The following DHRS7 variants were observed in gnomAD, a reference collection of about 807,000 sequenced individuals.
DHRS7 encodes the protein dehydrogenase/reductase 7, also known as dehydrogenase/reductase SDR family member 7.
Under a neutral mutation model 38.9 loss-of-function variants are expected in DHRS7, and 34 were observed. That is an observed-to-expected ratio of 0.87 (90% confidence interval 0.66 to 1.16). The LOEUF is 1.16. DHRS7 is among the 50% of genes most tolerant of loss of function. The pLI is 0.00. For synonymous variants in DHRS7, 158 were observed against 153.1 expected (o/e 1.03, Z -0.24); for missense variants, 421 against 407.0 (o/e 1.03, Z -0.30).
At chr14:60,149,605 C>T (rs902436805) in intron 5 of DHRS7, 37 bp from the exon 6 acceptor site, 11 of 1,509,608 alleles carry the variant, frequency 7.3e-6, no homozygotes, top group Middle Eastern at 1.8e-4. Context: ...TTTATCCAAG[C>T]GATTTCACAT....
rs1896771508 is a variant in DHRS7, at chr14:60,161,932, G to C, written c.133+3245C>G. Among the ~76,000 whole-genome samples, 1 of 152,188 alleles carries C rather than the reference G, an allele frequency of 6.6e-6. No homozygotes were observed. Among genetic ancestry groups the C allele is most frequent in the Non-Finnish European group, 1.5e-5 (1 of 68,020 alleles). On this transcript the variant is annotated intron_variant, in intron 1 of 6. Transcript: ENST00000557185. This position sits in a 1 kb window ranked among gnomAD's most constrained non-coding sequence, Gnocchi z 4.2. ...CAAGGTTGCCTGATCTTTTCTGGCA[G>C]CCACTTCACAGTTGACTCCTATTGA...
intron 1 of DHRS7, among the ~76,000 whole-genome samples, chr14:60,163,739 CTT>C (rs2140616244): frequency 6.6e-6 from 1 of 152,216 alleles, no homozygotes; most frequent in South Asian, 2.1e-4. Flanking sequence ...CTTTTTAGCA[CTT>C]GACATAATTT....
At position 60,162,800 on chromosome 14, in the gene DHRS7, T is replaced by C. The variant is rs1896789481; in HGVS notation, c.133+2377A>G. 6.6e-6 allele frequency among the ~76,000 whole-genome samples: 1 copy of C among 152,208 alleles called. No individual in the cohort carries two copies. Among genetic ancestry groups the C allele is most frequent in the Admixed American group, 6.5e-5 (1 of 15,282 alleles). On this transcript the variant is annotated intron_variant, in intron 1 of 6. Transcript: ENST00000557185. This position sits in a 1 kb window ranked among gnomAD's most constrained non-coding sequence, Gnocchi z 4.5. ...TCCCCTAAAACTCTCCTGTGAAATGTTAATTCCACAGATATACTGTATATC... is the reference window on the plus strand; with the variant it reads ...TCCCCTAAAACTCTCCTGTGAAATGCTAATTCCACAGATATACTGTATATC...
At chr14:60,164,239 C>G (rs901959491) in intron 1 of DHRS7, among the ~76,000 whole-genome samples, 1 of 119,150 alleles carries the variant, frequency 8.4e-6, no homozygotes, top group African/African-American at 3.3e-5. Flanking sequence ...TCAATATCAC[C>G]CCCCTCAACG....
rs1896791452 is a variant in DHRS7 at position 60,162,913 on chromosome 14, T to C, written c.133+2264A>G. The stretch of plus-strand genomic sequence containing the variant: ...TGCCAGGCGCAGTGGCTAATGCCTG[T>C]AATCCCAACACTTTGGGAGGCAGAG... On this transcript the variant is annotated intron_variant, in intron 1 of 6. Transcript: ENST00000557185. The surrounding 1 kb of genome is among the most constrained non-coding windows in gnomAD (Gnocchi z 4.5). Among the ~76,000 whole-genome samples the C allele has an allele frequency of 6.6e-6, 1 of 152,198 alleles. No individual in the cohort carries two copies. Among genetic ancestry groups the C allele is most frequent in the African/African-American group, 2.4e-5 (1 of 41,434 alleles).
rs1194655205 is a variant in DHRS7 at position 60,149,459 on chromosome 14, T to G, written c.866A>C (p.Gln289Pro). Residue 289 changes from glutamine (Q) to proline (P), a missense_variant, in exon 6 of 7, where the codon CAA becomes CCA. Gln to Pro is a moderately conservative substitution (Grantham distance 76). Transcript: ENST00000557185. ...NDLKEVWISE[Q>P]PFLLVTYLWQ... ...CAAATATGTTACTAACAAGAAAGGT[T>G]GTTCTGAGATCCAAACTTCTTTCAA... The G allele has an allele frequency of 1.9e-6, 3 of 1,614,048 alleles. No individual in the cohort carries two copies. The highest frequency in any genetic ancestry group is 1.1e-5 in the South Asian group (1 of 91,088).
chr14:60,153,164 G>T lies in DHRS7; in HGVS notation c.408C>A (p.Val136=). 2 of 1,614,046 alleles carry T rather than the reference G, an allele frequency of 1.2e-6. No individual in the cohort carries two copies. Among genetic ancestry groups the T allele is most frequent in the South Asian group, 2.2e-5 (2 of 91,042 alleles). The change falls in exon 4 of 7, where the codon GTC becomes GTA. Residue 136 remains valine, a synonymous_variant. Transcript: ENST00000557185. The surrounding 1 kb of genome is among the most constrained non-coding windows in gnomAD (Gnocchi z 4.4). ...AACGCTGGGACATTCCACCATTGTT[G>T]ACCAGAATGTCGATCTAGTTAAATA... ...LQEFGRIDIL[V]NNGGMSQRSL...
rs1004496199 is a variant in DHRS7, at chr14:60,161,245, T to C, written c.133+3932A>G. On this transcript the variant is annotated intron_variant, in intron 1 of 6. Transcript: ENST00000557185. This position sits in a 1 kb window ranked among gnomAD's most constrained non-coding sequence, Gnocchi z 4.2. ...AAAAGGGATCCACTAATATAGCTTA[T>C]GGTTATTAGAGCTGGGCTACCTTTA... Among the ~76,000 whole-genome samples the C allele has an allele frequency of 6.6e-6, 1 of 152,344 alleles. No homozygotes were observed. Among genetic ancestry groups the C allele is most frequent in the Admixed American group, 6.5e-5 (1 of 15,300 alleles).
chr14:60,146,036 A>T lies in DHRS7; in HGVS notation c.973-1023T>A, dbSNP rs1156889473. On this transcript the variant is annotated intron_variant, in intron 6 of 6. Coordinates refer to ENST00000557185, the MANE Select transcript of DHRS7 (RefSeq NM_016029.4). This position sits in a 1 kb window ranked among gnomAD's most constrained non-coding sequence, Gnocchi z 4.9. ...AAATTTATATATATACATATATATA[A>T]AATATAAAATAGTGGGAGAGAGGAA... 1 of 149,934 alleles carries T rather than the reference A, an allele frequency of 6.7e-6. No homozygotes were observed. Among genetic ancestry groups the T allele is most frequent in the Non-Finnish European group, 1.5e-5 (1 of 67,558 alleles). The allele number at this position is 149,934 out of a possible 1,614,324, so 9.3% of individuals were successfully genotyped here. A position where few individuals can be genotyped will look rare whatever the true frequency, so the allele number is the denominator to read the frequency against.
upstream of DHRS7, chr14:60,166,143 G>T: frequency 1.2e-6 from 1 of 843,456 alleles, no homozygotes; most frequent in Non-Finnish European, 1.4e-6. Context: ...TACTGTTTTT[G>T]ATTAATTTCC....
upstream of DHRS7, among the ~76,000 whole-genome samples, chr14:60,167,392 CG>C (rs1423614722): frequency 1.6e-4 from 24 of 152,132 alleles, no homozygotes; most frequent in African/African-American, 5.1e-4. Flanking sequence ...GAATAAAGTC[CG>C]AAAGTCTTTT....
rs1354761975 is a variant in DHRS7, at chr14:60,149,339, G to C, written c.972+14C>G. On this transcript the variant is annotated intron_variant, in intron 6 of 6. Coordinates refer to ENST00000557185, the MANE Select transcript of DHRS7 (RefSeq NM_016029.4). Reference sequence around the variant, plus strand: ...TTGGTACATACTATTAAGAAACTTAGAAATTGGTCTTACCACACCACTCTT... The same window carrying C: ...TTGGTACATACTATTAAGAAACTTACAAATTGGTCTTACCACACCACTCTT... 6.2e-7 allele frequency: 1 copy of C among 1,610,548 alleles called. No homozygotes were observed. The highest frequency in any genetic ancestry group is 1.7e-4 in the Middle Eastern group (1 of 6,060).
rs1038206711 is a variant in DHRS7 at position 60,146,243 on chromosome 14, T to G, written c.973-1230A>C. The stretch of plus-strand genomic sequence containing the variant: ...TAGAAAAACCTAGATGTAAAAAAAA[T>G]GCGAGATTTGCTAAATGATGTTTAT... On this transcript the variant is annotated intron_variant, in intron 6 of 6. Transcript: ENST00000557185. The surrounding 1 kb of genome is among the most constrained non-coding windows in gnomAD (Gnocchi z 4.9). 3.3e-5 allele frequency: 5 copies of G among 151,794 alleles called. No individual in the cohort carries two copies. The highest frequency in any genetic ancestry group is 4.1e-4 in the South Asian group (2 of 4,832). The allele number at this position is 151,794 out of a possible 1,614,324, so 9.4% of individuals were successfully genotyped here.
chr14:60,165,159 G>T lies in DHRS7; in HGVS notation c.133+18C>A. ...GAGCCCGGCCTCCCACTCGGGAGAG[G>T]CTTTGGCCGGTCCTCACCTGGGCGT... On this transcript the variant is annotated intron_variant, in intron 1 of 6. Transcript: ENST00000557185. This position sits in a 1 kb window ranked among gnomAD's most constrained non-coding sequence, Gnocchi z 4.6. 1 of 1,611,092 alleles carries T rather than the reference G, an allele frequency of 6.2e-7. No individual in the cohort carries two copies. Among genetic ancestry groups the T allele is most frequent in the Non-Finnish European group, 8.5e-7 (1 of 1,179,360 alleles).
At position 60,156,087 on chromosome 14, in the gene DHRS7, C is replaced by G. The variant is rs746451308; in HGVS notation, c.199G>C (p.Ala67Pro). 6 of 1,603,786 alleles carry G rather than the reference C, an allele frequency of 3.7e-6. No homozygotes were observed. In the Admixed American group the frequency reaches 8.5e-5, roughly 23 times the overall value. ...GASSGIGEEL[A>P]YQLSKLGVSL... is the part of the protein sequence containing the mutation. ...ACTCCTAGTTTAGACAACTGGTAAGCCAGCTCCTCACCAATTCCACTCGAG... is the reference window on the plus strand; with the variant it reads ...ACTCCTAGTTTAGACAACTGGTAAGGCAGCTCCTCACCAATTCCACTCGAG... Residue 67 changes from alanine (A) to proline (P), a missense_variant, in exon 2 of 7, where the codon GCT (alanine) becomes CCT (proline). By Grantham distance (27) the Ala-to-Pro change is conservative (BLOSUM62 -1). Coordinates refer to ENST00000557185, the MANE Select transcript of DHRS7 (RefSeq NM_016029.4).
At chr14:60,169,157 A>AAAAAAAAAAAAAAC (rs1566539386), upstream of DHRS7, 14 of 150,226 alleles carry the variant, frequency 9.3e-5, no homozygotes, top group East Asian at 1.3e-3. Flanking sequence ...AAAAAAAAAA[A>AAAAAAAAAAAAAAC]AAAACCATTG....
chr14:60,152,547 T>G (rs1446381619), intron 4 of DHRS7: 1 of 202,922 alleles, frequency 4.9e-6, no homozygotes, highest in African/African-American at 2.3e-5. Flanking sequence ...AAGTACATCC[T>G]GAAGTGTATG....
chr14:60,144,981 C>A lies in DHRS7; in HGVS notation c.1005G>T (p.Lys335Asn). Residue 335 changes from lysine to asparagine, a missense_variant, in exon 7 of 7, where the codon AAG becomes AAT. Transcript: ENST00000557185. ...GGTGCTCTTTTCAGTCATGTTTTGT[C>A]TTAAAGATTTTAAAATAAGAAGAGT... ...DADSSYFKIF[K>N]TKHD 1 of 1,603,254 alleles carries A rather than the reference C, an allele frequency of 6.2e-7. No individual in the cohort carries two copies. The highest frequency in any genetic ancestry group is 8.5e-7 in the Non-Finnish European group (1 of 1,177,024).
Position 60,165,150 on chromosome 14 carries a change from T to G in DHRS7, c.133+27A>C. 6.2e-7 allele frequency: 1 copy of G among 1,609,818 alleles called. No individual in the cohort carries two copies. Among genetic ancestry groups the G allele is most frequent in the Non-Finnish European group, 8.5e-7 (1 of 1,178,880 alleles). ...GGCAGCTCCGAGCCCGGCCTCCCACTCGGGAGAGGCTTTGGCCGGTCCTCA... is the reference window on the plus strand; with the variant it reads ...GGCAGCTCCGAGCCCGGCCTCCCACGCGGGAGAGGCTTTGGCCGGTCCTCA... On this transcript the variant is annotated intron_variant, in intron 1 of 6. Coordinates refer to ENST00000557185, the MANE Select transcript of DHRS7 (RefSeq NM_016029.4). The surrounding 1 kb of genome is among the most constrained non-coding windows in gnomAD (Gnocchi z 4.6).
Sources: allele counts gnomAD v4.1 joint callset (sites outside exome capture counted in the v4.1 genomes callset), GRCh38; gene constraint gnomAD v4.1.1; non-coding constraint Gnocchi (gnomAD v3.1); transcripts MANE v1.5; gene names NCBI Gene and HGNC (gene_info 2026-07-23, HGNC 2026-07-21).